DQX1: variants seen among roughly 807,000 people sequenced by gnomAD.
The protein encoded by DQX1 is DEAQ-box RNA dependent ATPase 1, also known as ATP-dependent RNA helicase homolog DQX1.
Under a neutral mutation model 81.3 loss-of-function variants are expected in DQX1, and 66 were observed. That is an observed-to-expected ratio of 0.81 (90% CI 0.67 to 1.00). The LOEUF is 1.00. DQX1 is among the 50% of genes least tolerant of loss of function. DQX1 has a pLI of 0.00. For synonymous variants in DQX1, 290 were observed against 350.0 expected (o/e 0.83, Z 1.91); for missense variants, 798 against 867.9 (o/e 0.92, Z 1.01).
rs199814471 is a variant in DQX1, at chr2:74,519,560, A to T, written c.1802T>A (p.Leu601His). ...LQKALVSGYF[L>H]KVARDTDGTG... ...ACCCCCACCCTTTCCTCTAACCTTG[A>T]GAAAGTATCCTGACACCAGTGCTTT... The change falls in exon 10 of 12, where the codon CTC becomes CAC. Residue 601 changes from leucine (L) to histidine (H), a missense_variant. Leu to His is a moderately conservative substitution (Grantham distance 99). Transcript: ENST00000404568. 6 of 1,614,072 alleles carry T rather than the reference A, an allele frequency of 3.7e-6. No homozygotes were observed. In the South Asian group the frequency reaches 6.6e-5, roughly 18 times the overall value.
rs1464901691 is a variant in DQX1, at chr2:74,518,419, C to G, written c.*27G>C. 2 of 1,612,524 alleles carry G rather than the reference C, an allele frequency of 1.2e-6. No homozygotes were observed. The highest frequency in any genetic ancestry group is 1.7e-6 in the Non-Finnish European group (2 of 1,179,182). ...GGATAATCTAATGTGATGAGATGAA[C>G]CCAGCTCCATTCCATAGGCAGGCAG... On this transcript the variant is annotated 3_prime_UTR_variant, in exon 12 of 12. Transcript: ENST00000404568.
Position 74,518,489 on chromosome 2 carries a change from G to C in DQX1, c.2111C>G (p.Ser704Ter), listed in dbSNP as rs761544458. ...GMADSTAGSK[S>*]SSAQEFRDPC... ...ATCTCTGAACTCCTGGGCTGAGGAT[G>C]ATTTGCTCCCTGCTGTAGAATCTGC... The change falls in exon 12 of 12, where the codon TCA (serine) becomes TGA (stop). Residue 704 changes from serine (S) to a stop codon, truncating the protein, a stop_gained. Coordinates refer to ENST00000404568, the MANE Select transcript of DQX1 (RefSeq NM_133637.3). LOFTEE classifies it high-confidence loss of function. 2 of 1,614,104 alleles carry C rather than the reference G, an allele frequency of 1.2e-6. No individual in the cohort carries two copies. Among genetic ancestry groups the C allele is most frequent in the African/African-American group, 2.7e-5 (2 of 74,940 alleles).
chr2:74,525,068 A>ATG lies in DQX1; in HGVS notation c.371_372insCA (p.His125IlefsTer46). The ATG allele has an allele frequency of 6.2e-7, 1 of 1,613,992 alleles. No individual in the cohort carries two copies. The highest frequency in any genetic ancestry group is 8.5e-7 in the Non-Finnish European group (1 of 1,179,984). On this transcript the variant is annotated frameshift_variant, in exon 3 of 12. Transcript: ENST00000404568. LOFTEE classifies it high-confidence loss of function. This position sits in a 1 kb window ranked among gnomAD's most constrained non-coding sequence, Gnocchi z 4.1. ...GGGGGATGCTGTATCCAACCTCATG[A>ATG]CCCAGGGTCAGGTCCATCTCATCAG...
Position 74,525,816 on chromosome 2 carries a change from G to T in DQX1, c.-19-68C>A. 8.8e-7 allele frequency: 1 copy of T among 1,140,254 alleles called. No individual in the cohort carries two copies. Among genetic ancestry groups the T allele is most frequent in the Non-Finnish European group, 1.2e-6 (1 of 802,260 alleles). 70.6% of individuals were successfully genotyped at this position (1,140,254 alleles called of 1,614,324 possible). A position where few individuals can be genotyped will look rare whatever the true frequency, so the allele number is the denominator to read the frequency against. ...GACACCATCTTCCCACCTCAGCCCT[G>T]ATCCTTAACCTCTACCTTCAGTTGA... On this transcript the variant is annotated intron_variant, in intron 1 of 11. Transcript: ENST00000404568. The surrounding 1 kb of genome is among the most constrained non-coding windows in gnomAD (Gnocchi z 4.1).
Position 74,518,375 on chromosome 2 carries a change from G to T in DQX1, c.*71C>A, listed in dbSNP as rs866171166. ...TTTGGGCTTCTAAATCTGTCTGGGTGCTTTGGTGTCACCCTGAGGGATAAT... is the reference window on the plus strand; with the variant it reads ...TTTGGGCTTCTAAATCTGTCTGGGTTCTTTGGTGTCACCCTGAGGGATAAT... On this transcript the variant is annotated 3_prime_UTR_variant, in exon 12 of 12. Transcript: ENST00000404568. 6 of 1,559,852 alleles carry T rather than the reference G, an allele frequency of 3.8e-6. No individual in the cohort carries two copies. The Admixed American group carries it at 1.1e-4, about 28-fold the overall frequency.
At position 74,523,988 on chromosome 2, in the gene DQX1, C is replaced by CTT; in HGVS notation, c.749_750dup (p.Ala251LysfsTer16). 6.2e-7 allele frequency: 1 copy of CTT among 1,614,018 alleles called. No individual in the cohort carries two copies. The highest frequency in any genetic ancestry group is 8.5e-7 in the Non-Finnish European group (1 of 1,179,898). On this transcript the variant is annotated frameshift_variant, in exon 4 of 12. Transcript: ENST00000404568. LOFTEE classifies it high-confidence loss of function. ...TCCTTCCGACACAATTCAAGCACTG[C>CTT]TTGGCAGGCAGCTTCCACCCGATCA...
At chr2:74,520,134 A>G in intron 8 of DQX1, 100 bp from the exon 9 acceptor site, 1 of 1,463,636 alleles carries the variant, frequency 6.8e-7, no homozygotes, top group South Asian at 1.3e-5. Flanking sequence ...TCCCTTTGGG[A>G]ACTTTATTCA....
chr2:74,522,813 C>A, intron 7 of DQX1, 42 bp from the exon 8 acceptor site: 1 of 1,612,470 alleles, frequency 6.2e-7, no homozygotes, highest in Non-Finnish European at 8.5e-7. Context: ...AGTTTCAGAA[C>A]TGGGTGGTCA....
intron 8 of DQX1, 57 bp downstream of exon 8, chr2:74,522,523 C>T (rs1675054595): frequency 6.4e-7 from 1 of 1,559,412 alleles, no homozygotes; most frequent in Non-Finnish European, 8.7e-7. Context: ...CACCAAAACC[C>T]AAGAGGAAGG....
intron 6 of DQX1, 31 bp from the exon 7 acceptor site, chr2:74,523,045 C>G: frequency 6.2e-7 from 1 of 1,613,874 alleles, no homozygotes; most frequent in Non-Finnish European, 8.5e-7. Context: ...GAAAGAAGAC[C>G]ACTGTAGATT....
intron 4 of DQX1, 36 bp from the exon 5 acceptor site, chr2:74,523,573 C>A: frequency 6.3e-7 from 1 of 1,593,608 alleles, no homozygotes; most frequent in South Asian, 1.1e-5. Flanking sequence ...TAGGGCAGTT[C>A]TCACGTTTTT....
intron 8 of DQX1, among the ~76,000 whole-genome samples, chr2:74,521,229 T>C (rs1219256239): frequency 6.6e-6 from 1 of 152,098 alleles, no homozygotes; most frequent in African/African-American, 2.4e-5. Context: ...GCAGAGATAA[T>C]AGTATTATCT....
chr2:74,525,470 TGCCCCCACA>T lies in DQX1; in HGVS notation c.237+14_237+22del, dbSNP rs1489501831. The stretch of plus-strand genomic sequence containing the variant: ...CCTTTGTCCACTCCCAGAATCTGCC[TGCCCCCACA>T]ACCCCCACCACACCTGGGTGCTCTT... On this transcript the variant is annotated intron_variant, in intron 2 of 11. Coordinates refer to ENST00000404568, the MANE Select transcript of DQX1 (RefSeq NM_133637.3). The surrounding 1 kb of genome is among the most constrained non-coding windows in gnomAD (Gnocchi z 4.1). The T allele has an allele frequency of 1.3e-6, 2 of 1,549,178 alleles. No homozygotes were observed. Among genetic ancestry groups the T allele is most frequent in the Non-Finnish European group, 1.7e-6 (2 of 1,145,370 alleles).
At position 74,519,031 on chromosome 2, in the gene DQX1, G is replaced by C; in HGVS notation, c.1997+9C>G. Reference sequence around the variant, plus strand: ...ATAGGCAGTATAGGAGGGATGTCAGGGAACTCACATCTGTGGTTGAATCTC... The same window carrying C: ...ATAGGCAGTATAGGAGGGATGTCAGCGAACTCACATCTGTGGTTGAATCTC... On this transcript the variant is annotated intron_variant, in intron 11 of 11. Coordinates refer to ENST00000404568, the MANE Select transcript of DQX1 (RefSeq NM_133637.3). 6.4e-7 allele frequency: 1 copy of C among 1,562,182 alleles called. No homozygotes were observed. Among genetic ancestry groups the C allele is most frequent in the Non-Finnish European group, 8.7e-7 (1 of 1,152,978 alleles).
At position 74,518,605 on chromosome 2, in the gene DQX1, A is replaced by G; in HGVS notation, c.1998-3T>C. On this transcript the variant is annotated splice_region_variant and splice_polypyrimidine_tract_variant and intron_variant, in intron 11 of 11. Coordinates refer to ENST00000404568, the MANE Select transcript of DQX1 (RefSeq NM_133637.3). Reference sequence around the variant, plus strand: ...ATGGAGGGGCCAATTCCACCAGCCTAATAGAGAGAGTCATAATTAGATGAT... The same window carrying G: ...ATGGAGGGGCCAATTCCACCAGCCTGATAGAGAGAGTCATAATTAGATGAT... 1 of 1,613,852 alleles carries G rather than the reference A, an allele frequency of 6.2e-7. No individual in the cohort carries two copies. The highest frequency in any genetic ancestry group is 8.5e-7 in the Non-Finnish European group (1 of 1,179,798).
At position 74,520,036 on chromosome 2, in the gene DQX1, T is replaced by C; in HGVS notation, c.1496-2A>G. On this transcript the variant is annotated splice_acceptor_variant, in intron 8 of 11. Coordinates refer to ENST00000404568, the MANE Select transcript of DQX1 (RefSeq NM_133637.3). LOFTEE classifies it high-confidence loss of function. Reference sequence around the variant, plus strand: ...GAGGACGGGTAAACCCAGGGGCAGCTGGAGGCAGAAGAGTGGAAGGTAGAA... The same window carrying C: ...GAGGACGGGTAAACCCAGGGGCAGCCGGAGGCAGAAGAGTGGAAGGTAGAA... 1.9e-6 allele frequency: 3 copies of C among 1,611,650 alleles called. No homozygotes were observed. Among genetic ancestry groups the C allele is most frequent in the Non-Finnish European group, 2.5e-6 (3 of 1,178,060 alleles).
In DQX1 at chr2:74,523,390, C is replaced by T. The variant is rs1288500721; in HGVS notation, c.964G>A (p.Val322Ile). The T allele has an allele frequency of 6.2e-7, 1 of 1,614,170 alleles. No individual in the cohort carries two copies. The highest frequency in any genetic ancestry group is 2.2e-5 in the East Asian group (1 of 44,882). ...GAGAAGTCAGCCAGCCAGTGAGTGA[C>T]CACAACCTTTCGGGCATCCATGTCC... ...YEDMDARKVV[V>I]THWLADFSFS... The change falls in exon 5 of 12, where the codon GTC becomes ATC. Residue 322 changes from valine (V) to isoleucine (I), a missense_variant. Coordinates refer to ENST00000404568, the MANE Select transcript of DQX1 (RefSeq NM_133637.3).
chr2:74,518,492 T>G lies in DQX1; in HGVS notation c.2108A>C (p.Lys703Thr), dbSNP rs750203633. 3 of 1,614,128 alleles carry G rather than the reference T, an allele frequency of 1.9e-6. No homozygotes were observed. In the East Asian group the frequency reaches 6.7e-5, roughly 36 times the overall value. Residue 703 changes from lysine to threonine, a missense_variant, in exon 12 of 12, where the codon AAA becomes ACA. Physicochemically the swap from Lys to Thr is moderately conservative, Grantham distance 78 (BLOSUM62 -1). Coordinates refer to ENST00000404568, the MANE Select transcript of DQX1 (RefSeq NM_133637.3). ...TCTGAACTCCTGGGCTGAGGATGATTTGCTCCCTGCTGTAGAATCTGCCAT... is the reference window on the plus strand; with the variant it reads ...TCTGAACTCCTGGGCTGAGGATGATGTGCTCCCTGCTGTAGAATCTGCCAT... ...EGMADSTAGS[K>T]SSSAQEFRDP...
At chr2:74,520,148 G>T in intron 8 of DQX1, 114 bp from the exon 9 acceptor site, 2 of 1,369,058 alleles carry the variant, frequency 1.5e-6, no homozygotes, top group East Asian at 2.4e-5. Flanking sequence ...TTATTCAAAA[G>T]ACATAGATAA....
Sources: allele counts gnomAD v4.1 joint callset (sites outside exome capture counted in the v4.1 genomes callset), GRCh38; gene constraint gnomAD v4.1.1; non-coding constraint Gnocchi (gnomAD v3.1); transcripts MANE v1.5; gene names NCBI Gene and HGNC (gene_info 2026-07-23, HGNC 2026-07-21).